The following TRIM49D1 variants were observed in gnomAD, a reference collection of about 807,000 sequenced individuals.
TRIM49D1 encodes tripartite motif containing 49D1, also known as tripartite motif-containing protein 49D.
chr11:89,921,181 A>C (rs117438324), intron 1 of TRIM49D1, among the ~76,000 whole-genome samples: 6,441 of 152,160 alleles, frequency 0.042, 232 homozygotes, highest in South Asian at 0.18. Flanking sequence ...TACTGAATTT[A>C]CAAACCTTTG....
At chr11:89,920,676 G>A (rs570715485) in intron 1 of TRIM49D1, among the ~76,000 whole-genome samples, 167 bp from the exon 2 acceptor site, 1 of 151,970 alleles carries the variant, frequency 6.6e-6, no homozygotes, top group Non-Finnish European at 1.5e-5. Context: ...GACATACACT[G>A]GAAATTAACT....
chr11:89,920,786 GCAGTGGTA>G (rs1257077867), intron 1 of TRIM49D1, among the ~76,000 whole-genome samples: 8 of 152,042 alleles, frequency 5.3e-5, no homozygotes, highest in Admixed American at 1.3e-4. Context: ...CTTGTGGAGT[GCAGTGGTA>G]CAGTCATAGC....
chr11:89,920,960 A>G (rs1440092820), intron 1 of TRIM49D1, among the ~76,000 whole-genome samples: 5 of 152,032 alleles, frequency 3.3e-5, no homozygotes, highest in East Asian at 1.9e-4. Context: ...CTGTTCTCCA[A>G]CTCCTGTCTT....
At chr11:89,921,236 T>G (rs1450022049) in intron 1 of TRIM49D1, among the ~76,000 whole-genome samples, 2 of 152,068 alleles carry the variant, frequency 1.3e-5, no homozygotes, top group African/African-American at 2.4e-5. Context: ...AATGCTTTTC[T>G]CCACATGGTG....
intron 1 of TRIM49D1, 102 bp from the exon 2 acceptor site, chr11:89,920,611 C>T (rs1378014224): frequency 1.7e-5 from 6 of 353,812 alleles, no homozygotes; most frequent in Middle Eastern, 7.8e-4. Flanking sequence ...TATCATCACT[C>T]CTTAAAAAAC....
rs1417592540 is a variant in TRIM49D1, at chr11:89,921,986, C to T, written c.-350G>A. The stretch of plus-strand genomic sequence containing the variant: ...CTATGCCACAAAGTCCAGTTTCATT[C>T]TCCTACATGTGGCTTGCCAATTATC... On this transcript the variant is annotated 5_prime_UTR_variant, in exon 1 of 8. Coordinates refer to ENST00000420869, the MANE Select transcript of TRIM49D1 (RefSeq NM_001384911.1). Among the ~76,000 whole-genome samples, 3 of 152,016 alleles carry T rather than the reference C, an allele frequency of 2.0e-5. No homozygotes were observed. The highest frequency in any genetic ancestry group is 7.3e-5 in the African/African-American group (3 of 41,316).
intron 1 of TRIM49D1, among the ~76,000 whole-genome samples, chr11:89,920,974 G>A (rs1225990718): frequency 2.0e-5 from 3 of 152,164 alleles, no homozygotes; most frequent in African/African-American, 4.8e-5. Context: ...CTGTCTTCAA[G>A]TAATCCTCTG....
At chr11:89,921,566 T>A (rs1234218257) in intron 1 of TRIM49D1, 1 of 151,930 alleles carries the variant, frequency 6.6e-6, no homozygotes, top group Non-Finnish European at 1.5e-5. Flanking sequence ...TCAAAGCAGA[T>A]CCCATAATAT....
chr11:89,921,732 T>G lies in TRIM49D1; in HGVS notation c.-216+120A>C, dbSNP rs188702878. 2.0e-5 allele frequency: 3 copies of G among 152,096 alleles called. 1 individual carries two copies. The East Asian group carries it at 5.8e-4, about 29-fold the overall frequency. 9.4% of individuals were successfully genotyped at this position (152,096 alleles called of 1,614,324 possible). The stretch of plus-strand genomic sequence containing the variant: ...ATCCCAATGGTCAGGATTCAAAGCT[T>G]TGGTCCAAAGTCATTAGGGGGCAAC... On this transcript the variant is annotated intron_variant, in intron 1 of 7. Coordinates refer to ENST00000420869, the MANE Select transcript of TRIM49D1 (RefSeq NM_001384911.1).
rs1309886079 is a variant in TRIM49D1 at position 89,921,150 on chromosome 11, C to G, written c.-215-641G>C. On this transcript the variant is annotated intron_variant, in intron 1 of 7. Coordinates refer to ENST00000420869, the MANE Select transcript of TRIM49D1 (RefSeq NM_001384911.1). ...GAGAAATCACTGACTAACCAAATAACTCTACTAATTTGAGGTCTCTTACTG... is the reference window on the plus strand; with the variant it reads ...GAGAAATCACTGACTAACCAAATAAGTCTACTAATTTGAGGTCTCTTACTG... Among the ~76,000 whole-genome samples, 10 of 152,044 alleles carry G rather than the reference C, an allele frequency of 6.6e-5. 1 individual carries two copies. Among genetic ancestry groups the G allele is most frequent in the African/African-American group, 2.4e-4 (10 of 41,366 alleles).
intron 1 of TRIM49D1, among the ~76,000 whole-genome samples, 196 bp from the exon 2 acceptor site, chr11:89,920,705 T>C (rs2134743727): frequency 1.3e-5 from 2 of 152,126 alleles, no homozygotes; most frequent in Non-Finnish European, 2.9e-5. Context: ...TTTTATACTG[T>C]TTATTGAGCT....
rs1234354619 is a variant in TRIM49D1, at chr11:89,922,037, T to C, written c.-401A>G. On this transcript the variant is annotated 5_prime_UTR_variant, in exon 1 of 8. Transcript: ENST00000420869. ...CCAGCACCATTTGTTGAATAGGGTG[T>C]CCTCTCCCCACTTTATGTTTTTGTT... Among the ~76,000 whole-genome samples, 1 of 152,014 alleles carries C rather than the reference T, an allele frequency of 6.6e-6. No homozygotes were observed. The highest frequency in any genetic ancestry group is 2.4e-5 in the African/African-American group (1 of 41,312).
rs1950336733 is a variant in TRIM49D1 at position 89,921,887 on chromosome 11, T to C, written c.-251A>G. On this transcript the variant is annotated 5_prime_UTR_variant, in exon 1 of 8. Transcript: ENST00000420869. ...TTGCTAGTTACAAGAGCAGGACCTT[T>C]CGTTACATCTGCAAAATACCTTCCC... 1 of 152,106 alleles carries C rather than the reference T, an allele frequency of 6.6e-6. No individual in the cohort carries two copies. Among genetic ancestry groups the C allele is most frequent in the African/African-American group, 2.4e-5 (1 of 41,376 alleles). 9.4% of individuals were successfully genotyped at this position (152,106 alleles called of 1,614,324 possible). A position where few individuals can be genotyped will look rare whatever the true frequency, so the allele number is the denominator to read the frequency against.
intron 1 of TRIM49D1, among the ~76,000 whole-genome samples, chr11:89,920,929 G>C (rs1053568877): frequency 4.6e-5 from 7 of 151,890 alleles, no homozygotes; most frequent in African/African-American, 7.3e-5. Context: ...ATAGAGTCAG[G>C]GTATGGCTCT....
rs537390319 is a variant in TRIM49D1, at chr11:89,920,621, C to A, written c.-215-112G>T. ...TAAATTATCATCACTCCTTAAAAAA[C>A]CATGATTTAAATGAATCATATGTAA... On this transcript the variant is annotated intron_variant, in intron 1 of 7. Coordinates refer to ENST00000420869, the MANE Select transcript of TRIM49D1 (RefSeq NM_001384911.1). 426 of 373,906 alleles carry A rather than the reference C, an allele frequency of 1.1e-3. 1 individual carries two copies. Among genetic ancestry groups the A allele is most frequent in the Non-Finnish European group, 1.7e-3 (360 of 208,198 alleles). 23.2% of individuals were successfully genotyped at this position (373,906 alleles called of 1,614,324 possible).
rs529007000 is a variant in TRIM49D1 at position 89,921,925 on chromosome 11, G to C, written c.-289C>G. ...AAAATACCTTCCCAGTAGGTCCTACGTGAGTGTTTCATTGAATAACAATAA... is the reference window on the plus strand; with the variant it reads ...AAAATACCTTCCCAGTAGGTCCTACCTGAGTGTTTCATTGAATAACAATAA... On this transcript the variant is annotated 5_prime_UTR_variant, in exon 1 of 8. Coordinates refer to ENST00000420869, the MANE Select transcript of TRIM49D1 (RefSeq NM_001384911.1). Among the ~76,000 whole-genome samples the C allele has an allele frequency of 6.6e-6, 1 of 152,006 alleles. No homozygotes were observed. Among genetic ancestry groups the C allele is most frequent in the Non-Finnish European group, 1.5e-5 (1 of 68,026 alleles).
intron 1 of TRIM49D1, among the ~76,000 whole-genome samples, chr11:89,920,869 A>T (rs952426282): frequency 6.6e-6 from 1 of 151,954 alleles, no homozygotes; most frequent in Non-Finnish European, 1.5e-5. Flanking sequence ...AGTAGCTAGG[A>T]CTACAGGCTC....
chr11:89,920,224 G>GTCGCC (rs1950323734), intron 2 of TRIM49D1, 75 bp downstream of exon 2: 3 of 21,236 alleles, frequency 1.4e-4, no homozygotes, highest in African/African-American at 6.6e-4. Flanking sequence ...AAGATAATGA[G>GTCGCC]ATATTTTTAA....
chr11:89,920,671 A>G (rs1950326443), intron 1 of TRIM49D1, among the ~76,000 whole-genome samples, 162 bp from the exon 2 acceptor site: 1 of 152,046 alleles, frequency 6.6e-6, no homozygotes, highest in African/African-American at 2.4e-5. Flanking sequence ...GATTTGACAT[A>G]CACTGGAAAT....
Sources: gnomAD v4.1 joint callset for allele counts (sites outside exome capture counted in the v4.1 genomes callset) on GRCh38, gnomAD v4.1.1 for gene constraint, MANE v1.5 for transcripts, NCBI Gene and HGNC (gene_info 2026-07-23, HGNC 2026-07-21) for gene names.